Variants in AFDN observed in about 807,000 individuals in gnomAD.
AFDN encodes afadin.
AFDN carries 68 observed loss-of-function variants against 216.6 expected under a neutral mutation model. That is an observed-to-expected ratio of 0.31 (90% confidence interval 0.26 to 0.38). The LOEUF (loss-of-function observed/expected upper bound fraction) is 0.38. AFDN is among the 10% of genes least tolerant of loss of function. The pLI is 1.00. For missense variants in AFDN, 2,136 were observed against 2,342.0 expected, an observed-to-expected ratio of 0.91 and a Z score of 1.82; for synonymous variants, 868 against 853.7, an observed-to-expected ratio of 1.02 and a Z score of -0.29.
chr6:167,872,153 G>T lies in AFDN; in HGVS notation c.415-61G>T, dbSNP rs143962797. ...CATGTGAGATGAAGTTACCTAAGCC[G>T]TAGGCAATTTTATGTGATTCTGCAT... is the stretch of plus-strand genomic sequence containing the variant. On this transcript the variant is annotated intron_variant, in intron 3 of 33. Coordinates refer to ENST00000683244, the MANE Select transcript of AFDN (RefSeq NM_001386888.1). 9.2e-5 allele frequency: 140 copies of T among 1,516,442 alleles called. 2 individuals are homozygous for T. The East Asian group carries it at 3.1e-3, about 34-fold the overall frequency. 93.9% of individuals were successfully genotyped at this position (1,516,442 alleles called of 1,614,324 possible). A position where few individuals can be genotyped will look rare whatever the true frequency, so the allele number is the denominator to read the frequency against.
At chr6:167,937,053 G>C (rs1041406047) in intron 23 of AFDN, among the ~76,000 whole-genome samples, 19 of 152,142 alleles carry the variant, frequency 1.2e-4, no homozygotes, top group African/African-American at 4.6e-4. Context: ...CAAATAACCA[G>C]AGGTGATAGG....
At chr6:167,916,127 T>G (rs1791031047) in intron 19 of AFDN, among the ~76,000 whole-genome samples, 1 of 152,200 alleles carries the variant, frequency 6.6e-6, no homozygotes, top group African/African-American at 2.4e-5. Flanking sequence ...GCCTTCCCCC[T>G]AGCTTCTGGT....
chr6:167,971,747 C>T lies in AFDN; in HGVS notation c.*1812C>T. The stretch of plus-strand genomic sequence containing the variant: ...TATGTGTGGTTGTGAAACCCATACA[C>T]AAGTGGATTTGGCCATCTTTGGGCA... On this transcript the variant is annotated 3_prime_UTR_variant, in exon 34 of 34. Coordinates refer to ENST00000683244, the MANE Select transcript of AFDN (RefSeq NM_001386888.1). 4.8e-6 allele frequency: 1 copy of T among 206,948 alleles called. No homozygotes were observed. Among genetic ancestry groups the T allele is most frequent in the East Asian group, 7.4e-5 (1 of 13,480 alleles). The allele number at this position is 206,948 out of a possible 1,614,324, so 12.8% of individuals were successfully genotyped here.
intron 1 of AFDN, among the ~76,000 whole-genome samples, chr6:167,844,412 C>T (rs1349480860): frequency 6.6e-6 from 1 of 152,114 alleles, no homozygotes; most frequent in Admixed American, 6.5e-5. Context: ...AAGAAATTCT[C>T]CCATATTTCT....
Position 167,947,882 on chromosome 6 carries a change from G to A in AFDN, c.3583G>A (p.Ala1195Thr), listed in dbSNP as rs1230075065. ...GCCTCCTAGTCCTGGAGGGAAAAGT[G>A]CATATGCCTCTGGAACAACAGCGAA... is the stretch of plus-strand genomic sequence containing the variant. ...NQPPSPGGKSAYASGTTAKIT... is the reference protein window; with the variant it reads ...NQPPSPGGKSTYASGTTAKIT... Residue 1195 changes from alanine (A) to threonine (T), a missense_variant, in exon 28 of 34, where the codon GCA becomes ACA. This residue lies in a region of AFDN where 981 missense variants were observed against 966.0 expected (regional missense o/e 1.02). Transcript: ENST00000683244. 1 of 1,613,848 alleles carries A rather than the reference G, an allele frequency of 6.2e-7. No homozygotes were observed. The highest frequency in any genetic ancestry group is 2.2e-5 in the East Asian group (1 of 44,864).
At position 167,922,943 on chromosome 6, in the gene AFDN, G is replaced by C; in HGVS notation, c.2996G>C (p.Arg999Pro). 1.2e-6 allele frequency: 2 copies of C among 1,611,572 alleles called. No individual in the cohort carries two copies. Among genetic ancestry groups the C allele is most frequent in the South Asian group, 2.2e-5 (2 of 90,890 alleles). Residue 999 changes from arginine (R) to proline (P), a missense_variant, in exon 22 of 34, where the codon CGT becomes CCT. Arg to Pro is a moderately radical substitution (Grantham distance 103). This residue lies in a region of AFDN where 162 missense variants were observed against 182.6 expected (regional missense o/e 0.89). Coordinates refer to ENST00000683244, the MANE Select transcript of AFDN (RefSeq NM_001386888.1). ...EGADYESHLLRENTELAQPLR... is the reference protein window; with the variant it reads ...EGADYESHLLPENTELAQPLR... ...GCAGATTATGAAAGTCACCTTCTGCGTGAGAACACAGAGCTGGCAAGTATT... is the reference window on the plus strand; with the variant it reads ...GCAGATTATGAAAGTCACCTTCTGCCTGAGAACACAGAGCTGGCAAGTATT...
Position 167,865,401 on chromosome 6 carries a change from G to A in AFDN, c.301+655G>A, listed in dbSNP as rs144340751. On this transcript the variant is annotated intron_variant, in intron 2 of 33. Transcript: ENST00000683244. Reference sequence around the variant, plus strand: ...AATCCTGACACTTTGGGAGGCTGAGGTGGGAAGATTGCTTGAGGCAACATA... The same window carrying A: ...AATCCTGACACTTTGGGAGGCTGAGATGGGAAGATTGCTTGAGGCAACATA... 1.6e-3 allele frequency among the ~76,000 whole-genome samples: 242 copies of A among 152,162 alleles called. 1 individual carries two copies. The highest frequency in any genetic ancestry group is 3.0e-3 in the Non-Finnish European group (204 of 67,992).
In AFDN at chr6:167,914,730, CA is replaced by C; in HGVS notation, c.2296del (p.Ile766Ter). 1 of 1,605,420 alleles carries C rather than the reference CA, an allele frequency of 6.2e-7. No homozygotes were observed. Among genetic ancestry groups the C allele is most frequent in the Non-Finnish European group, 8.5e-7 (1 of 1,172,492 alleles). On this transcript the variant is annotated frameshift_variant, in exon 18 of 34. Coordinates refer to ENST00000683244, the MANE Select transcript of AFDN (RefSeq NM_001386888.1). LOFTEE classifies it high-confidence loss of function. ...DDPEENSLQR[P>X]KIDDVLHTLT... Reference sequence around the variant, plus strand: ...CCTGAAGAGAACAGTCTGCAACGACCAAAAATAGGTTAGGATGTTTTCTGAC... The same window carrying C: ...CCTGAAGAGAACAGTCTGCAACGACCAAAATAGGTTAGGATGTTTTCTGAC...
At chr6:167,898,811 ATTC>A (rs1788597721) in intron 11 of AFDN, among the ~76,000 whole-genome samples, 1 of 152,200 alleles carries the variant, frequency 6.6e-6, no homozygotes, top group Non-Finnish European at 1.5e-5. Context: ...TTTTTGAAGT[ATTC>A]TTTTCTGTGA....
intron 4 of AFDN, among the ~76,000 whole-genome samples, chr6:167,874,164 A>T (rs191994957): frequency 6.6e-6 from 1 of 152,324 alleles, no homozygotes; most frequent in East Asian, 1.9e-4. Flanking sequence ...GGATTGCTTG[A>T]TCCTGGGAAA....
In AFDN at chr6:167,919,379, G is replaced by C. The variant is rs1050845756; in HGVS notation, c.2908+446G>C. 5.2e-4 allele frequency among the ~76,000 whole-genome samples: 79 copies of C among 152,260 alleles called. 1 individual carries two copies. Among genetic ancestry groups the C allele is most frequent in the Non-Finnish European group, 2.5e-4 (17 of 68,050 alleles). On this transcript the variant is annotated intron_variant, in intron 21 of 33. Coordinates refer to ENST00000683244, the MANE Select transcript of AFDN (RefSeq NM_001386888.1). ...CTAAACCCACCTCTGTCACCTACAGGCTGTGCTGCCATTGGCAGGTGACTT... is the reference window on the plus strand; with the variant it reads ...CTAAACCCACCTCTGTCACCTACAGCCTGTGCTGCCATTGGCAGGTGACTT...
At chr6:167,914,346 C>G in intron 17 of AFDN, 33 bp downstream of exon 17, 1 of 1,600,688 alleles carries the variant, frequency 6.2e-7, no homozygotes, top group South Asian at 1.1e-5. Flanking sequence ...CGGCACTACT[C>G]TAAATAATTA....
chr6:167,895,946 T>C (rs927226563), intron 9 of AFDN, among the ~76,000 whole-genome samples: 1 of 152,208 alleles, frequency 6.6e-6, no homozygotes, highest in African/African-American at 2.4e-5. Flanking sequence ...GTGCAGGTGC[T>C]AAGCTCTGCA....
rs561866157 is a variant in AFDN, at chr6:167,962,195, A to G, written c.4834-238A>G. 6.6e-6 allele frequency among the ~76,000 whole-genome samples: 1 copy of G among 152,352 alleles called. No homozygotes were observed. The highest frequency in any genetic ancestry group is 2.1e-4 in the South Asian group (1 of 4,818). ...TAAATTCCATCTTATAGCCATGATTAATGGAGGAATAACTGGGATTTGTGG... is the reference window on the plus strand; with the variant it reads ...TAAATTCCATCTTATAGCCATGATTGATGGAGGAATAACTGGGATTTGTGG... On this transcript the variant is annotated intron_variant, in intron 30 of 33. Transcript: ENST00000683244. This position sits in a 1 kb window ranked among gnomAD's most constrained non-coding sequence, Gnocchi z 5.2.
chr6:167,873,554 A>T (rs941897966), intron 4 of AFDN, among the ~76,000 whole-genome samples: 1 of 152,126 alleles, frequency 6.6e-6, no homozygotes, highest in Non-Finnish European at 1.5e-5. Context: ...TTATTTTCTT[A>T]GGGTGCATTC....
At chr6:167,968,050 G>C (rs1018187531) in intron 32 of AFDN, among the ~76,000 whole-genome samples, 7 of 152,096 alleles carry the variant, frequency 4.6e-5, no homozygotes, top group Admixed American at 4.6e-4. Context: ...GAAGGTATTT[G>C]ATACTCTTAA....
intron 18 of AFDN, 122 bp from the exon 19 acceptor site, chr6:167,915,046 T>C: frequency 2.0e-6 from 2 of 1,014,302 alleles, no homozygotes; most frequent in Non-Finnish European, 1.4e-6. Context: ...GAAGTTGATA[T>C]TTTTAAAGTA....
chr6:167,963,813 G>T, intron 31 of AFDN: 1 of 1,063,338 alleles, frequency 9.4e-7, no homozygotes, highest in Non-Finnish European at 1.1e-6. Context: ...AAGGAAATCA[G>T]ATTTACAAAA....
In AFDN at chr6:167,852,224, G is replaced by C. The variant is rs954033888; in HGVS notation, c.106-12327G>C. On this transcript the variant is annotated intron_variant, in intron 1 of 33. Transcript: ENST00000683244. The stretch of plus-strand genomic sequence containing the variant: ...ATTCCCTATATCTCTCAAGAATGTG[G>C]TTTTGCAGTTAATTTATTTGAATTG... 1.1e-4 allele frequency among the ~76,000 whole-genome samples: 17 copies of C among 152,210 alleles called. 1 individual carries two copies. The highest frequency in any genetic ancestry group is 6.8e-3 in the Middle Eastern group (2 of 294).
Sources: allele counts gnomAD v4.1 joint callset (sites outside exome capture counted in the v4.1 genomes callset), GRCh38; gene constraint gnomAD v4.1.1; regional missense constraint gnomAD v4.1.1; non-coding constraint Gnocchi (gnomAD v3.1); transcripts MANE v1.5; gene names NCBI Gene and HGNC (gene_info 2026-07-23, HGNC 2026-07-21).